DCHS2: variants seen among roughly 807,000 people sequenced by gnomAD.
DCHS2 encodes the protein protocadherin-23.
In DCHS2, 142 loss-of-function variants were observed where a neutral mutation model predicts 182.4. That is an observed-to-expected ratio of 0.78 (90% confidence interval 0.68 to 0.89). DCHS2 has a LOEUF of 0.89. DCHS2 is among the 40% of genes least tolerant of loss of function. DCHS2 has a pLI of 0.00. For missense variants in DCHS2, 4,319 were observed against 4,198.6 expected, an observed-to-expected ratio of 1.03 and a Z score of -0.79; for synonymous variants, 1,740 against 1,663.3, an observed-to-expected ratio of 1.05 and a Z score of -1.12.
At chr4:154,434,443 C>A (rs2110942061) in intron 1 of DCHS2, among the ~76,000 whole-genome samples, 1 of 151,824 alleles carries the variant, frequency 6.6e-6, no homozygotes, top group African/African-American at 2.4e-5. Context: ...AAGTCACTGG[C>A]AAAAATAATA....
intron 10 of DCHS2, among the ~76,000 whole-genome samples, chr4:154,310,407 T>A (rs1257984184): frequency 6.6e-6 from 1 of 152,208 alleles, no homozygotes; most frequent in African/African-American, 2.4e-5. Flanking sequence ...TGGGAGCCTA[T>A]AATCACTGAG....
At chr4:154,301,325 A>G (rs1260519073) in intron 12 of DCHS2, among the ~76,000 whole-genome samples, 2 of 152,230 alleles carry the variant, frequency 1.3e-5, no homozygotes, top group Non-Finnish European at 2.9e-5. Flanking sequence ...ACTATTCATT[A>G]ACTTTTTGGC....
intron 1 of DCHS2, among the ~76,000 whole-genome samples, chr4:154,468,767 A>G (rs1459771209): frequency 6.6e-6 from 1 of 152,158 alleles, no homozygotes; most frequent in African/African-American, 2.4e-5. Context: ...TAGGACTCCT[A>G]GGCACAGTAG....
At position 154,398,989 on chromosome 4, in the gene DCHS2, G is replaced by A. The variant is rs536420495; in HGVS notation, c.2053-21545C>T. On this transcript the variant is annotated intron_variant, in intron 1 of 19. Transcript: ENST00000357232. ...CCCCCGCCTTCTCACTAGGTCTAAG[G>A]GAAAATGGGAACAGTACGATCAGCA... 3.3e-5 allele frequency among the ~76,000 whole-genome samples: 5 copies of A among 152,270 alleles called. No individual in the cohort carries two copies. In the East Asian group the frequency reaches 9.6e-4, roughly 29 times the overall value.
Position 154,377,308 on chromosome 4 carries a change from A to C in DCHS2, c.2189T>G (p.Ile730Ser). 2 of 1,613,642 alleles carry C rather than the reference A, an allele frequency of 1.2e-6. No homozygotes were observed. Among genetic ancestry groups the C allele is most frequent in the Non-Finnish European group, 8.5e-7 (1 of 1,179,720 alleles). Residue 730 changes from isoleucine (I) to serine (S), a missense_variant, in exon 2 of 20, where the codon ATC becomes AGC. Transcript: ENST00000357232. ...GGTAGCTGGATCCCTTTCCCTGTCG[A>C]TATCTTGAGAAACACAGATTTGCCC... ...HDGQICVSQD[I>S]DRERDPATYD...
chr4:154,421,407 T>A (rs202134011), intron 1 of DCHS2, among the ~76,000 whole-genome samples: 68 of 69,578 alleles, frequency 9.8e-4, no homozygotes, highest in African/African-American at 1.8e-3. Context: ...ATTTAATTTA[T>A]TTATTTGAGA....
intron 9 of DCHS2, among the ~76,000 whole-genome samples, chr4:154,317,568 A>T (rs1233152169): frequency 6.6e-6 from 1 of 152,218 alleles, no homozygotes; most frequent in Non-Finnish European, 1.5e-5. Flanking sequence ...TTTAACTAAC[A>T]GTTGGGCCAA....
At chr4:154,310,468 G>A (rs1181132305) in intron 10 of DCHS2, among the ~76,000 whole-genome samples, 1 of 152,154 alleles carries the variant, frequency 6.6e-6, no homozygotes, top group Non-Finnish European at 1.5e-5. Context: ...CAAAGCTTAA[G>A]GAAATGAGAA....
intron 1 of DCHS2, among the ~76,000 whole-genome samples, chr4:154,437,151 C>A (rs1332364946): frequency 1.3e-5 from 2 of 152,108 alleles, no homozygotes; most frequent in African/African-American, 2.4e-5. Flanking sequence ...AGCCCTAGAC[C>A]AGCCTTAGAC....
At chr4:154,366,982 G>A (rs1053909375) in intron 2 of DCHS2, among the ~76,000 whole-genome samples, 3 of 152,164 alleles carry the variant, frequency 2.0e-5, no homozygotes, top group African/African-American at 7.2e-5. Flanking sequence ...AGGTACCATT[G>A]GTGTGCAGAC....
chr4:154,280,951 C>T (rs1191661580), intron 13 of DCHS2, among the ~76,000 whole-genome samples: 1 of 151,992 alleles, frequency 6.6e-6, no homozygotes, highest in Non-Finnish European at 1.5e-5. Context: ...CCTCAGCCTC[C>T]TGAGTAGTCG....
intron 1 of DCHS2, among the ~76,000 whole-genome samples, chr4:154,448,851 A>G (rs7661415): frequency 0.9 from 137,047 of 152,206 alleles, 63,449 homozygotes; most frequent in East Asian, 1. Flanking sequence ...CAGGCAGGAC[A>G]TGCCTGTCCT....
chr4:154,277,310 G>C (rs1274739640), intron 13 of DCHS2, among the ~76,000 whole-genome samples: 1 of 152,130 alleles, frequency 6.6e-6, no homozygotes, highest in Non-Finnish European at 1.5e-5. Context: ...ATACTGATGG[G>C]GAGCCAGCAT....
intron 16 of DCHS2, among the ~76,000 whole-genome samples, chr4:154,246,838 A>G (rs1425904386): frequency 6.6e-6 from 1 of 152,056 alleles, no homozygotes; most frequent in African/African-American, 2.4e-5. Context: ...AACAACAAAA[A>G]CTAAACCCAC....
chr4:154,265,829 A>G (rs149986142), intron 14 of DCHS2, among the ~76,000 whole-genome samples: 2 of 152,234 alleles, frequency 1.3e-5, no homozygotes, highest in South Asian at 4.1e-4. Context: ...AAATTCGAAA[A>G]TTCTAGTACA....
At chr4:154,486,545 T>A in intron 1 of DCHS2, 1 of 1,303,154 alleles carries the variant, frequency 7.7e-7, no homozygotes, top group Non-Finnish European at 1.0e-6. Context: ...AACTTGTAGA[T>A]GGCAACAGAA....
intron 13 of DCHS2, among the ~76,000 whole-genome samples, chr4:154,296,907 A>G (rs1376636414): frequency 1.3e-5 from 2 of 152,238 alleles, no homozygotes; most frequent in Non-Finnish European, 2.9e-5. Context: ...GCTGGCAGCT[A>G]TAAAATGTTA....
At chr4:154,365,900 G>A (rs1052491330) in intron 3 of DCHS2, among the ~76,000 whole-genome samples, 7 of 150,982 alleles carry the variant, frequency 4.6e-5, no homozygotes, top group South Asian at 2.1e-4. Context: ...CACCCACCTC[G>A]GCCCCCCAAA....
At chr4:154,270,059 T>G (rs780274176) in intron 13 of DCHS2, 46 bp from the exon 14 acceptor site, 2 of 1,556,652 alleles carry the variant, frequency 1.3e-6, no homozygotes, top group Non-Finnish European at 1.7e-6. Flanking sequence ...ATAAAAAAAT[T>G]TCATGGAAAC....
Sources: allele counts gnomAD v4.1 joint callset (sites outside exome capture counted in the v4.1 genomes callset), GRCh38; gene constraint gnomAD v4.1.1; transcripts MANE v1.5; gene names NCBI Gene and HGNC (gene_info 2026-07-23, HGNC 2026-07-21).